Variants in LRRC9 observed in about 807,000 individuals in gnomAD.
The protein encoded by LRRC9 is leucine rich repeat containing 9, also known as leucine-rich repeat-containing protein 9.
LRRC9 carries 122 observed loss-of-function variants against 63.2 expected under a neutral mutation model. The ratio of observed to expected loss-of-function variants is 1.93; its 90% confidence interval spans 1.67 to 2.24. The LOEUF is 2.24. Ranked by LOEUF, LRRC9 falls within the 30% of genes most tolerant of loss-of-function variation. The pLI is 0.00. For missense variants in LRRC9, 1,071 were observed against 627.7 expected (o/e 1.71, Z -7.55); for synonymous variants, 366 against 213.1 (o/e 1.72, Z -6.25).
Position 59,932,938 on chromosome 14 carries a change from G to T in LRRC9, c.543+899G>T, listed in dbSNP as rs938591039. Reference sequence around the variant, plus strand: ...GAGTAGAAGACATTTCATATAATGGGGCCATAAGACTACCTAATCTAGCCA... The same window carrying T: ...GAGTAGAAGACATTTCATATAATGGTGCCATAAGACTACCTAATCTAGCCA... On this transcript the variant is annotated intron_variant, in intron 6 of 31. Transcript: ENST00000445360. This position sits in a 1 kb window ranked among gnomAD's most constrained non-coding sequence, Gnocchi z 4.7. 5.3e-5 allele frequency among the ~76,000 whole-genome samples: 8 copies of T among 151,920 alleles called. No homozygotes were observed. The highest frequency in any genetic ancestry group is 5.3e-4 in the Admixed American group (8 of 15,226).
intron 17 of LRRC9, among the ~76,000 whole-genome samples, chr14:59,987,958 G>A (rs1374134932): frequency 6.6e-6 from 1 of 152,112 alleles, no homozygotes; most frequent in African/African-American, 2.4e-5. Context: ...CCCAAAGTGA[G>A]CAACTCTTGT....
chr14:59,941,163 G>A (rs1881719348), intron 7 of LRRC9, among the ~76,000 whole-genome samples: 1 of 151,416 alleles, frequency 6.6e-6, no homozygotes, highest in South Asian at 2.1e-4. Context: ...CATAATTTTT[G>A]TTTCTATATG....
intron 23 of LRRC9, among the ~76,000 whole-genome samples, chr14:60,011,250 CG>C (rs1472253765): frequency 2.0e-5 from 3 of 152,072 alleles, no homozygotes; most frequent in Admixed American, 6.6e-5. Flanking sequence ...AGCATGTGCA[CG>C]GGAACTCCCC....
chr14:60,053,864 T>A lies in LRRC9; in HGVS notation c.4131+659T>A, dbSNP rs1253165454. On this transcript the variant is annotated intron_variant, in intron 30 of 31. Coordinates refer to ENST00000445360, the Ensembl canonical transcript of LRRC9. The surrounding 1 kb of genome is among the most constrained non-coding windows in gnomAD (Gnocchi z 4.8). ...TAAATTTAACACAGAAAATCTATGG[T>A]TTTTGAACAGAGAAGTAACATTATT... 2.2e-6 allele frequency: 1 copy of A among 445,836 alleles called. No individual in the cohort carries two copies. Among genetic ancestry groups the A allele is most frequent in the East Asian group, 7.0e-5 (1 of 14,344 alleles). The allele number at this position is 445,836 out of a possible 1,614,324, so 27.6% of individuals were successfully genotyped here.
At chr14:60,006,314 C>T in intron 21 of LRRC9, 83 bp from the exon 22 acceptor site, 1 of 604,184 alleles carries the variant, frequency 1.7e-6, no homozygotes, top group Non-Finnish European at 2.9e-6. Flanking sequence ...TATCTAATTA[C>T]AATAAAATGA....
At chr14:59,992,497 G>C (rs527866016) in intron 17 of LRRC9, among the ~76,000 whole-genome samples, 1 of 151,942 alleles carries the variant, frequency 6.6e-6, no homozygotes, top group Non-Finnish European at 1.5e-5. Flanking sequence ...GGCTTCAGAC[G>C]ATCAAACTAC....
rs78147989 is a variant in LRRC9, at chr14:60,000,290, G to A, written c.2529+1064G>A. Among the ~76,000 whole-genome samples the A allele has an allele frequency of 3.6e-3, 549 of 152,132 alleles. 18 individuals are homozygous for A. The East Asian group carries it at 0.058, about 16-fold the overall frequency. ...GGGGACAATACACATTGGAGAATACGACAGGGAGGAGGGAGATGGGCAGAG... is the reference window on the plus strand; with the variant it reads ...GGGGACAATACACATTGGAGAATACAACAGGGAGGAGGGAGATGGGCAGAG... On this transcript the variant is annotated intron_variant, in intron 19 of 31. Coordinates refer to ENST00000445360, the Ensembl canonical transcript of LRRC9.
intron 10 of LRRC9, among the ~76,000 whole-genome samples, chr14:59,965,451 G>A (rs1358480628): frequency 1.3e-5 from 2 of 152,054 alleles, no homozygotes; most frequent in East Asian, 3.9e-4. Context: ...TTTCACATCC[G>A]TATTCATTGT....
At chr14:60,024,012 A>G (rs918203439) in intron 27 of LRRC9, among the ~76,000 whole-genome samples, 36 of 152,114 alleles carry the variant, frequency 2.4e-4, no homozygotes, top group Non-Finnish European at 4.3e-4. Context: ...TCCATGGTGT[A>G]TATGTGCCAC....
intron 8 of LRRC9, among the ~76,000 whole-genome samples, chr14:59,955,295 A>G (rs1189464171): frequency 1.4e-4 from 22 of 152,032 alleles, no homozygotes; most frequent in Admixed American, 1.4e-3. Flanking sequence ...GATTGGTAGG[A>G]TATTAATGAC....
At chr14:60,045,477 G>C (rs160251) in intron 29 of LRRC9, among the ~76,000 whole-genome samples, 1 of 151,966 alleles carries the variant, frequency 6.6e-6, no homozygotes, top group African/African-American at 2.4e-5. Context: ...CTATGTGTCC[G>C]TCTGTTTTTA....
intron 29 of LRRC9, among the ~76,000 whole-genome samples, chr14:60,046,849 G>T (rs1250281670): frequency 1.6e-4 from 25 of 152,102 alleles, no homozygotes; most frequent in Admixed American, 1.6e-3. Flanking sequence ...TACTTTTGCT[G>T]ATATGGCCAT....
At chr14:59,968,534 G>A (rs994313003) in intron 12 of LRRC9, among the ~76,000 whole-genome samples, 1 of 152,182 alleles carries the variant, frequency 6.6e-6, no homozygotes, top group Non-Finnish European at 1.5e-5. Context: ...AGATGACAAG[G>A]CACTATGTAG....
At chr14:60,018,460 T>C (rs929865590) in exon 25 of LRRC9, 2 of 699,322 alleles carry the variant, frequency 2.9e-6, no homozygotes, top group Non-Finnish European at 5.2e-6. Flanking sequence ...AGTGGATTAA[T>C]CTATCTACCT....
intron 31 of LRRC9, 47 bp from the exon 33 acceptor site, chr14:60,063,276 A>G (rs1156863775): frequency 1.4e-6 from 1 of 689,972 alleles, no homozygotes; most frequent in Non-Finnish European, 2.6e-6. Flanking sequence ...GATCCATTAC[A>G]AAATTAAGTC....
chr14:59,941,068 CA>C (rs200156203), intron 7 of LRRC9, among the ~76,000 whole-genome samples: 95 of 140,618 alleles, frequency 6.8e-4, no homozygotes, highest in Admixed American at 4.4e-3. Flanking sequence ...CAAACAAGGA[CA>C]AAAAAAAAAC....
intron 28 of LRRC9, among the ~76,000 whole-genome samples, chr14:60,030,790 A>G (rs928022690): frequency 6.6e-6 from 1 of 152,058 alleles, no homozygotes; most frequent in African/African-American, 2.4e-5. Context: ...CTAAAAATTT[A>G]CCAATTGACT....
intron 1 of LRRC9, among the ~76,000 whole-genome samples, chr14:59,926,946 T>A (rs1033754): frequency 0.41 from 62,629 of 151,956 alleles, 13,449 homozygotes; most frequent in East Asian, 0.58. Flanking sequence ...TATACATTCA[T>A]ACTAGGCAAT....
intron 8 of LRRC9, 96 bp downstream of exon 8, chr14:59,944,840 CAT>C (rs1372767290): frequency 5.7e-6 from 3 of 526,714 alleles, no homozygotes; most frequent in African/African-American, 2.1e-5. Flanking sequence ...TATATACACA[CAT>C]ATATAATACA....
Sources: gnomAD v4.1 joint callset for allele counts (sites outside exome capture counted in the v4.1 genomes callset) on GRCh38, gnomAD v4.1.1 for gene constraint, Gnocchi (gnomAD v3.1) non-coding constraint, MANE v1.5 for transcripts, NCBI Gene and HGNC (gene_info 2026-07-23, HGNC 2026-07-21) for gene names.